SBF2: variants seen among roughly 807,000 people sequenced by gnomAD.
SBF2 encodes the protein SET binding factor 2.
Under a neutral mutation model 225.2 loss-of-function variants are expected in SBF2, and 112 were observed. That is an observed-to-expected ratio of 0.50 (90% CI 0.43 to 0.58). The LOEUF is 0.58. SBF2 is among the 20% of genes least tolerant of loss of function. The pLI is 0.00. For missense variants in SBF2, 1,996 were observed against 2,206.2 expected (o/e 0.90, Z 1.91); for synonymous variants, 763 against 773.3 (o/e 0.99, Z 0.22).
chr11:10,023,151 T>G (rs1388247849), intron 6 of SBF2, among the ~76,000 whole-genome samples: 1 of 152,228 alleles, frequency 6.6e-6, no homozygotes, highest in African/African-American at 2.4e-5. Context: ...CATTTTTTTC[T>G]TTATTGATAA....
At chr11:10,092,726 A>C (rs1951832666) in intron 2 of SBF2, among the ~76,000 whole-genome samples, 1 of 152,214 alleles carries the variant, frequency 6.6e-6, no homozygotes, top group African/African-American at 2.4e-5. Context: ...ATTAATGCTA[A>C]AATAAAGGGA....
intron 16 of SBF2, among the ~76,000 whole-genome samples, chr11:9,907,383 C>T (rs570103137): frequency 2.0e-4 from 30 of 152,284 alleles, no homozygotes; most frequent in East Asian, 3.9e-4. Context: ...ATATCTAATA[C>T]GGTTGAGGAA....
chr11:9,889,850 G>T lies in SBF2; in HGVS notation c.1929+6093C>A, dbSNP rs575029559. On this transcript the variant is annotated intron_variant, in intron 17 of 39. Transcript: ENST00000256190. Reference sequence around the variant, plus strand: ...TGGGGATGGGGAGCAACTGAGAATGGGCATAAGGTTTCTTTTTGGGGTGAC... The same window carrying T: ...TGGGGATGGGGAGCAACTGAGAATGTGCATAAGGTTTCTTTTTGGGGTGAC... 3.3e-5 allele frequency among the ~76,000 whole-genome samples: 5 copies of T among 152,206 alleles called. No homozygotes were observed. The East Asian group carries it at 9.6e-4, about 29-fold the overall frequency.
intron 1 of SBF2, among the ~76,000 whole-genome samples, chr11:10,290,671 G>C (rs1469580561): frequency 6.6e-6 from 1 of 152,122 alleles, no homozygotes; most frequent in Non-Finnish European, 1.5e-5. Flanking sequence ...CACTGTCAGA[G>C]AAGAACGTTA....
chr11:9,959,877 G>A (rs771828675), intron 16 of SBF2: 23 of 441,580 alleles, frequency 5.2e-5, no homozygotes, highest in East Asian at 1.6e-4. Context: ...GCCACTGTGC[G>A]CTCAGAAACT....
chr11:9,980,285 T>C (rs1248963359), intron 13 of SBF2, among the ~76,000 whole-genome samples: 1 of 112,770 alleles, frequency 8.9e-6, no homozygotes, highest in Non-Finnish European at 1.7e-5. Flanking sequence ...CAGCCTCTTG[T>C]AATTAAAAAA....
At position 10,133,531 on chromosome 11, in the gene SBF2, C is replaced by T. The variant is rs112874395; in HGVS notation, c.141+60371G>A. 4.1e-3 allele frequency among the ~76,000 whole-genome samples: 541 copies of T among 130,466 alleles called. 112 individuals carry two copies. The highest frequency in any genetic ancestry group is 7.6e-3 in the Middle Eastern group (2 of 264). The allele number at this position is 130,466 out of a possible 152,430, so 85.6% of individuals were successfully genotyped here. ...CTGCTGGGGGACTCAGTACACCCTC[C>T]GCAGCCACTGGCCTGGGTGCTAAGT... is the stretch of plus-strand genomic sequence containing the variant. On this transcript the variant is annotated intron_variant, in intron 2 of 39. Coordinates refer to ENST00000256190, the MANE Select transcript of SBF2 (RefSeq NM_030962.4).
chr11:10,227,711 T>C (rs1473957582), intron 1 of SBF2, among the ~76,000 whole-genome samples: 4 of 152,218 alleles, frequency 2.6e-5, no homozygotes, highest in Non-Finnish European at 5.9e-5. Flanking sequence ...ACCATGCTGT[T>C]TTGGTTACTG....
chr11:9,948,720 C>A (rs1335638878), intron 16 of SBF2, among the ~76,000 whole-genome samples: 1 of 152,172 alleles, frequency 6.6e-6, no homozygotes, highest in Non-Finnish European at 1.5e-5. Flanking sequence ...CTCATATACA[C>A]ATAGACGTAT....
At chr11:10,076,934 G>C (rs567578704) in intron 2 of SBF2, among the ~76,000 whole-genome samples, 2 of 152,258 alleles carry the variant, frequency 1.3e-5, no homozygotes, top group East Asian at 3.9e-4. Flanking sequence ...ATCTGAGGAA[G>C]AGCTTGGGAA....
chr11:10,047,583 G>A (rs1362594053), intron 2 of SBF2, among the ~76,000 whole-genome samples: 1 of 152,096 alleles, frequency 6.6e-6, no homozygotes, highest in Non-Finnish European at 1.5e-5. Flanking sequence ...TCCAACCCAT[G>A]TTTCTATCCC....
intron 3 of SBF2, 84 bp downstream of exon 3, chr11:10,042,759 CA>C: frequency 7.0e-7 from 1 of 1,423,484 alleles, no homozygotes; most frequent in Non-Finnish European, 9.9e-7. Flanking sequence ...CTCAAACTTG[CA>C]GTTGTAACAA....
chr11:9,841,255 A>G (rs539086995), intron 25 of SBF2, among the ~76,000 whole-genome samples: 2 of 152,200 alleles, frequency 1.3e-5, no homozygotes, highest in Non-Finnish European at 2.9e-5. Context: ...AGCAAAGAAC[A>G]TTATATAATT....
chr11:10,289,194 C>A, intron 1 of SBF2, among the ~76,000 whole-genome samples: 2 of 152,212 alleles, frequency 1.3e-5, no homozygotes, highest in East Asian at 3.9e-4. Flanking sequence ...TTGGAGCAGG[C>A]GCCTCCAAGC....
chr11:10,061,170 T>A (rs1839408883), intron 2 of SBF2, among the ~76,000 whole-genome samples: 1 of 152,090 alleles, frequency 6.6e-6, no homozygotes, highest in Non-Finnish European at 1.5e-5. Context: ...CGTTAAGAAC[T>A]CTTAACAAAC....
At chr11:9,867,792 A>G (rs2134037063) in intron 17 of SBF2, among the ~76,000 whole-genome samples, 1 of 152,282 alleles carries the variant, frequency 6.6e-6, no homozygotes, top group South Asian at 2.1e-4. Context: ...ATTTTCACAC[A>G]TATCTGGGAG....
intron 6 of SBF2, among the ~76,000 whole-genome samples, chr11:10,022,431 T>C (rs1218651356): frequency 6.6e-6 from 1 of 152,116 alleles, no homozygotes; most frequent in African/African-American, 2.4e-5. Flanking sequence ...ATAAAGGACA[T>C]AAATAATTTT....
chr11:9,826,034 A>C (rs1855042332), intron 28 of SBF2, among the ~76,000 whole-genome samples: 1 of 152,244 alleles, frequency 6.6e-6, no homozygotes, highest in East Asian at 1.9e-4. Flanking sequence ...TATGGATGAC[A>C]AAAGGCTTGA....
At chr11:10,052,171 C>T (rs1028674129) in intron 2 of SBF2, among the ~76,000 whole-genome samples, 2 of 151,232 alleles carry the variant, frequency 1.3e-5, no homozygotes, top group Non-Finnish European at 3.0e-5. Flanking sequence ...AAAAAAAAAG[C>T]TATCACAGGT....
Sources: gnomAD v4.1 joint callset for allele counts (sites outside exome capture counted in the v4.1 genomes callset) on GRCh38, gnomAD v4.1.1 for gene constraint, MANE v1.5 for transcripts, NCBI Gene and HGNC (gene_info 2026-07-23, HGNC 2026-07-21) for gene names.